The following POU6F2 variants were observed in gnomAD, a reference collection of about 807,000 sequenced individuals.
The protein encoded by POU6F2 is POU class 6 homeobox 2, also known as POU domain, class 6, transcription factor 2.
Under a neutral mutation model 71.3 loss-of-function variants are expected in POU6F2, and 31 were observed. That is an observed-to-expected ratio of 0.43 (90% confidence interval 0.33 to 0.59). The LOEUF (loss-of-function observed/expected upper bound fraction) is 0.59, where lower values mean the gene tolerates loss of function less well. Ranked by LOEUF, POU6F2 falls within the 20% of genes least tolerant of loss-of-function variation. The probability of loss-of-function intolerance (pLI) is 0.04; values close to 1 mark genes in which losing one functional copy is unlikely to be tolerated. For synonymous variants in POU6F2, 347 were observed against 355.7 expected (o/e 0.98, Z 0.27); for missense variants, 783 against 856.8 (o/e 0.91, Z 1.07).
intron 2 of POU6F2, among the ~76,000 whole-genome samples, chr7:39,150,189 C>G (rs936401931): frequency 2.7e-5 from 4 of 149,996 alleles, no homozygotes; most frequent in African/African-American, 9.9e-5. Context: ...CCGGACCCAG[C>G]CGCAAGATTT....
chr7:39,125,530 AT>A (rs1257642990), intron 2 of POU6F2, among the ~76,000 whole-genome samples: 1 of 152,124 alleles, frequency 6.6e-6, no homozygotes, highest in African/African-American at 2.4e-5. Context: ...CTGTTAAAAA[AT>A]ATATTACATT....
At chr7:39,181,473 C>T (rs1272739948) in intron 2 of POU6F2, among the ~76,000 whole-genome samples, 1 of 152,202 alleles carries the variant, frequency 6.6e-6, no homozygotes, top group Non-Finnish European at 1.5e-5. Flanking sequence ...TTTGTTCCTA[C>T]CATATCTATT....
At chr7:39,099,596 G>C (rs1487309871) in intron 2 of POU6F2, among the ~76,000 whole-genome samples, 1 of 152,176 alleles carries the variant, frequency 6.6e-6, no homozygotes, top group Non-Finnish European at 1.5e-5. Flanking sequence ...TTAGAAAAAT[G>C]GTGCTGCAGA....
intron 4 of POU6F2, among the ~76,000 whole-genome samples, chr7:39,241,972 G>T (rs1358675829): frequency 6.6e-6 from 1 of 152,224 alleles, no homozygotes; most frequent in East Asian, 1.9e-4. Flanking sequence ...AACGTCATGT[G>T]TAGCCTTTTG....
chr7:39,393,700 G>C (rs1450571276), intron 5 of POU6F2, among the ~76,000 whole-genome samples: 1 of 152,004 alleles, frequency 6.6e-6, no homozygotes, highest in Non-Finnish European at 1.5e-5. Flanking sequence ...GCATATCTCT[G>C]GCTAGCTTCC....
chr7:39,287,065 T>A (rs1383243368), intron 4 of POU6F2, among the ~76,000 whole-genome samples: 1 of 152,174 alleles, frequency 6.6e-6, no homozygotes, highest in Admixed American at 6.5e-5. Context: ...AATAGGCTAA[T>A]GGATGCTGTG....
intron 7 of POU6F2, among the ~76,000 whole-genome samples, chr7:39,445,269 A>T (rs531880686): frequency 6.6e-6 from 1 of 152,344 alleles, no homozygotes; most frequent in Non-Finnish European, 1.5e-5. Context: ...GAAATGAGGC[A>T]TTCCCACCCA....
intron 6 of POU6F2, among the ~76,000 whole-genome samples, chr7:39,414,901 G>T (rs947714349): frequency 7.9e-5 from 12 of 152,056 alleles, no homozygotes; most frequent in African/African-American, 2.7e-4. Flanking sequence ...TAGTTTGCAG[G>T]ATTCTCTCTG....
At chr7:39,262,818 A>G (rs1449585627) in intron 4 of POU6F2, among the ~76,000 whole-genome samples, 2 of 152,242 alleles carry the variant, frequency 1.3e-5, no homozygotes, top group African/African-American at 2.4e-5. Flanking sequence ...ATTGGAACCT[A>G]TAACATATAC....
intron 2 of POU6F2, among the ~76,000 whole-genome samples, chr7:39,139,175 C>G (rs553022620): frequency 6.6e-6 from 1 of 152,294 alleles, no homozygotes; most frequent in South Asian, 2.1e-4. Flanking sequence ...TTACTGATCC[C>G]TAGCAGTTGC....
intron 6 of POU6F2, among the ~76,000 whole-genome samples, chr7:39,431,657 C>G (rs1788105417): frequency 6.6e-6 from 1 of 152,172 alleles, no homozygotes; most frequent in Non-Finnish European, 1.5e-5. Flanking sequence ...GTGGGGTCAG[C>G]CAGACCTGGA....
chr7:39,096,933 C>G (rs1791466115), intron 2 of POU6F2, among the ~76,000 whole-genome samples: 1 of 152,120 alleles, frequency 6.6e-6, no homozygotes, highest in African/African-American at 2.4e-5. Flanking sequence ...AATTGCACAA[C>G]TGTGCATATC....
chr7:39,214,447 C>A (rs918669880), intron 4 of POU6F2, among the ~76,000 whole-genome samples: 1 of 152,204 alleles, frequency 6.6e-6, no homozygotes, highest in African/African-American at 2.4e-5. Context: ...CTTTATTTGG[C>A]CTTTCTGAGC....
chr7:39,357,056 A>G (rs1786276502), intron 5 of POU6F2, among the ~76,000 whole-genome samples: 1 of 152,214 alleles, frequency 6.6e-6, no homozygotes, highest in South Asian at 2.1e-4. Flanking sequence ...TTAATACTTT[A>G]TAGATCTGAT....
rs149554800 is a variant in POU6F2, at chr7:39,357,064, G to A, written c.972+17049G>A. On this transcript the variant is annotated intron_variant, in intron 5 of 9. Coordinates refer to ENST00000518318, the MANE Select transcript of POU6F2 (RefSeq NM_001370959.1). ...GGTCTTGTTAATACTTTATAGATCT[G>A]ATTGATCCGTGGGTTAAATCATGTT... 6.2e-3 allele frequency among the ~76,000 whole-genome samples: 943 copies of A among 152,234 alleles called. 1 individual carries two copies. Among genetic ancestry groups the A allele is most frequent in the Admixed American group, 0.012 (180 of 15,286 alleles).
chr7:39,168,262 A>G (rs1210959055), intron 2 of POU6F2, among the ~76,000 whole-genome samples: 1 of 152,196 alleles, frequency 6.6e-6, no homozygotes, highest in Non-Finnish European at 1.5e-5. Flanking sequence ...AATTGTCCGA[A>G]CATTTTTGTA....
rs188904423 is a variant in POU6F2 at position 38,989,090 on chromosome 7, C to T, written c.105+11032C>T. ...GGAAGGGTGGAGGAGCAAATCGGTGCTCTTTGATAGCTTTCGTCAAAGAGC... is the reference window on the plus strand; with the variant it reads ...GGAAGGGTGGAGGAGCAAATCGGTGTTCTTTGATAGCTTTCGTCAAAGAGC... On this transcript the variant is annotated intron_variant, in intron 1 of 9. Coordinates refer to ENST00000518318, the MANE Select transcript of POU6F2 (RefSeq NM_001370959.1). 3.3e-5 allele frequency among the ~76,000 whole-genome samples: 5 copies of T among 152,178 alleles called. No homozygotes were observed. In the East Asian group the frequency reaches 9.7e-4, roughly 30 times the overall value.
intron 1 of POU6F2, among the ~76,000 whole-genome samples, chr7:39,042,236 A>T (rs111368551): frequency 6.6e-6 from 1 of 151,996 alleles, no homozygotes; most frequent in African/African-American, 2.4e-5. Context: ...AAATTAAATG[A>T]ATGGTGACTC....
rs1356444372 is a variant in POU6F2 at position 39,115,642 on chromosome 7, G to T, written c.277+29611G>T. Among the ~76,000 whole-genome samples the T allele has an allele frequency of 5.9e-5, 9 of 152,150 alleles. 1 individual carries two copies. On this transcript the variant is annotated intron_variant, in intron 2 of 9. Coordinates refer to ENST00000518318, the MANE Select transcript of POU6F2 (RefSeq NM_001370959.1). ...ACATATTACTGAGAGCAAAGTCAAA[G>T]AAACCCCTAACTTGGGCCAGTGTGT...
Sources: gnomAD v4.1 joint callset for allele counts (sites outside exome capture counted in the v4.1 genomes callset) on GRCh38, gnomAD v4.1.1 for gene constraint, MANE v1.5 for transcripts, NCBI Gene and HGNC (gene_info 2026-07-23, HGNC 2026-07-21) for gene names.